Variants in RALGAPA2 observed in about 807,000 individuals in gnomAD.
RALGAPA2 encodes ral GTPase-activating protein subunit alpha-2.
Under a neutral mutation model 230.4 loss-of-function variants are expected in RALGAPA2, and 139 were observed. That is an observed-to-expected ratio of 0.60 (90% CI 0.53 to 0.69). The LOEUF is 0.69. RALGAPA2 is among the 30% of genes least tolerant of loss of function. RALGAPA2 has a pLI of 0.00. For missense variants in RALGAPA2, 2,163 were observed against 2,276.0 expected (o/e 0.95, Z 1.01); for synonymous variants, 847 against 837.8 (o/e 1.01, Z -0.19).
At chr20:20,652,524 C>T (rs941180947) in intron 4 of RALGAPA2, among the ~76,000 whole-genome samples, 5 of 152,208 alleles carry the variant, frequency 3.3e-5, no homozygotes, top group Non-Finnish European at 7.3e-5. Flanking sequence ...CAGAACTTTG[C>T]ACACAAATGT....
At chr20:20,394,417 C>T (rs980495256) in intron 39 of RALGAPA2, among the ~76,000 whole-genome samples, 5 of 152,082 alleles carry the variant, frequency 3.3e-5, no homozygotes, top group African/African-American at 1.2e-4. Context: ...GTGGGCGGAT[C>T]GCTTCAGCCC....
At chr20:20,710,510 TAAAC>T (rs2069809619) in intron 1 of RALGAPA2, among the ~76,000 whole-genome samples, 2 of 152,032 alleles carry the variant, frequency 1.3e-5, no homozygotes, top group East Asian at 1.9e-4. Context: ...ATCACAGTAA[TAAAC>T]AAAGCAAACT....
At chr20:20,441,101 A>G (rs761043040) in intron 37 of RALGAPA2, among the ~76,000 whole-genome samples, 7 of 152,202 alleles carry the variant, frequency 4.6e-5, no homozygotes, top group Non-Finnish European at 8.8e-5. Flanking sequence ...ATGCACCAAC[A>G]CTTGCAAATA....
intron 36 of RALGAPA2, among the ~76,000 whole-genome samples, chr20:20,486,846 C>A (rs550011910): frequency 6.6e-6 from 1 of 152,164 alleles, no homozygotes; most frequent in Non-Finnish European, 1.5e-5. Flanking sequence ...CTTGGCCATG[C>A]CCAGTTTACT....
chr20:20,688,092 G>A (rs1050395756), intron 1 of RALGAPA2, among the ~76,000 whole-genome samples: 3 of 152,130 alleles, frequency 2.0e-5, no homozygotes, highest in African/African-American at 7.2e-5. Context: ...TCATTAAACA[G>A]GAGGTATACC....
chr20:20,505,997 T>C (rs1228588566), intron 33 of RALGAPA2, among the ~76,000 whole-genome samples: 5 of 152,202 alleles, frequency 3.3e-5, no homozygotes. Context: ...CTCTACACTT[T>C]AAGGCTACTG....
At chr20:20,656,228 T>A (rs1480599511) in intron 3 of RALGAPA2, among the ~76,000 whole-genome samples, 5 of 152,248 alleles carry the variant, frequency 3.3e-5, no homozygotes, top group Admixed American at 6.5e-5. Flanking sequence ...AGCCAGAGGC[T>A]AATGTGCTCG....
At chr20:20,689,669 T>C (rs569380230) in intron 1 of RALGAPA2, among the ~76,000 whole-genome samples, 16 of 152,128 alleles carry the variant, frequency 1.1e-4, no homozygotes, top group Non-Finnish European at 1.8e-4. Flanking sequence ...AAATACAATA[T>C]GTCCTCAGGC....
In RALGAPA2 at chr20:20,577,839, G is replaced by A. The variant is rs146095044; in HGVS notation, c.2708-4771C>T. Among the ~76,000 whole-genome samples the A allele has an allele frequency of 1.4e-3, 214 of 152,054 alleles. 1 individual carries two copies. The highest frequency in any genetic ancestry group is 4.3e-3 in the African/African-American group (178 of 41,484). On this transcript the variant is annotated intron_variant, in intron 20 of 39. Coordinates refer to ENST00000202677, the MANE Select transcript of RALGAPA2 (RefSeq NM_020343.4). Reference sequence around the variant, plus strand: ...AGATAATTTACAGCTTTGTTTCATCGCTGGTTAAACCTTCACTCCAAAAAT... The same window carrying A: ...AGATAATTTACAGCTTTGTTTCATCACTGGTTAAACCTTCACTCCAAAAAT...
chr20:20,550,407 G>A (rs2063890360), intron 23 of RALGAPA2, among the ~76,000 whole-genome samples: 2 of 152,198 alleles, frequency 1.3e-5, no homozygotes, highest in African/African-American at 2.4e-5. Context: ...AAGACTCTGG[G>A]TCTGAGAGCA....
chr20:20,398,674 G>C lies in RALGAPA2; in HGVS notation c.5618-1940C>G, dbSNP rs1444318046. Among the ~76,000 whole-genome samples, 1 of 152,140 alleles carries C rather than the reference G, an allele frequency of 6.6e-6. No individual in the cohort carries two copies. Among genetic ancestry groups the C allele is most frequent in the East Asian group, 1.9e-4 (1 of 5,178 alleles). On this transcript the variant is annotated intron_variant, in intron 38 of 39. Coordinates refer to ENST00000202677, the MANE Select transcript of RALGAPA2 (RefSeq NM_020343.4). The surrounding 1 kb of genome is among the most constrained non-coding windows in gnomAD (Gnocchi z 4.5). ...TGGAGGGCAATGTGCTCGGAGATGG[G>C]GGGTGGGAAGAGGCCAGGAGGGACC...
chr20:20,503,706 A>G (rs1248552126), intron 34 of RALGAPA2, among the ~76,000 whole-genome samples, 200 bp from the exon 35 acceptor site: 1 of 152,260 alleles, frequency 6.6e-6, no homozygotes, highest in Non-Finnish European at 1.5e-5. Context: ...AGTGCTCTAC[A>G]ATCATATCAA....
chr20:20,572,755 G>A, intron 21 of RALGAPA2, 120 bp downstream of exon 21: 2 of 843,666 alleles, frequency 2.4e-6, no homozygotes, highest in Non-Finnish European at 3.4e-6. Flanking sequence ...AATGGACTTT[G>A]TCTAAATGTA....
intron 30 of RALGAPA2, among the ~76,000 whole-genome samples, chr20:20,523,607 G>A (rs1303899347): frequency 6.6e-6 from 1 of 152,124 alleles, no homozygotes; most frequent in Non-Finnish European, 1.5e-5. Context: ...CTAGCATAAA[G>A]AAAAGATAAA....
chr20:20,490,861 AACACACACACACAC>A (rs34230105), intron 36 of RALGAPA2, among the ~76,000 whole-genome samples: 4 of 142,210 alleles, frequency 2.8e-5, no homozygotes, highest in Admixed American at 1.4e-4. Context: ...AACACACATG[AACACACACACACAC>A]ACACACACAC....
rs775347855 is a variant in RALGAPA2, at chr20:20,512,835, GAGA to G, written c.4531_4533del (p.Ser1511del). ...AGAACATCATCCCCCTCCTCAACTTGAGAAGAGTCTTTCTGAGGTCCAAATGTG... is the reference window on the plus strand; with the variant it reads ...AGAACATCATCCCCCTCCTCAACTTGAGAGTCTTTCTGAGGTCCAAATGTG... On this transcript the variant is annotated inframe_deletion, in exon 32 of 40. Coordinates refer to ENST00000202677, the MANE Select transcript of RALGAPA2 (RefSeq NM_020343.4). The G allele has an allele frequency of 6.2e-7, 1 of 1,613,350 alleles. No homozygotes were observed. The highest frequency in any genetic ancestry group is 1.1e-5 in the South Asian group (1 of 91,078).
intron 20 of RALGAPA2, among the ~76,000 whole-genome samples, chr20:20,579,746 C>A (rs942341575): frequency 2.0e-5 from 3 of 152,092 alleles, no homozygotes; most frequent in Non-Finnish European, 4.4e-5. Flanking sequence ...TTGGACATGG[C>A]GTGAGGTAGG....
intron 1 of RALGAPA2, among the ~76,000 whole-genome samples, chr20:20,696,434 C>G (rs1291721727): frequency 6.6e-6 from 1 of 152,048 alleles, no homozygotes; most frequent in East Asian, 1.9e-4. Context: ...AGTGTAGTCT[C>G]TATGAGGGAA....
chr20:20,581,337 T>C (rs533159140), intron 20 of RALGAPA2, among the ~76,000 whole-genome samples: 1 of 152,300 alleles, frequency 6.6e-6, no homozygotes, highest in African/African-American at 2.4e-5. Flanking sequence ...CTACTGAAGC[T>C]TCAGTTTTGC....
Sources: allele counts gnomAD v4.1 joint callset (sites outside exome capture counted in the v4.1 genomes callset), GRCh38; gene constraint gnomAD v4.1.1; non-coding constraint Gnocchi (gnomAD v3.1); transcripts MANE v1.5; gene names NCBI Gene and HGNC (gene_info 2026-07-23, HGNC 2026-07-21).